The following SLFN14 variants were observed in gnomAD, a reference collection of about 807,000 sequenced individuals.
The protein encoded by SLFN14 is protein SLFN14.
Under a neutral mutation model 58.6 loss-of-function variants are expected in SLFN14, and 47 were observed. The observed-to-expected ratio is 0.80, with a 90% CI of 0.64 to 1.02. The LOEUF (loss-of-function observed/expected upper bound fraction) is 1.02. Among genes scored for constraint, SLFN14 ranks in the 50% least tolerant of loss-of-function variants. SLFN14 has a pLI of 0.00. For synonymous variants in SLFN14, 390 were observed against 387.3 expected, an observed-to-expected ratio of 1.01 and a Z score of -0.08; for missense variants, 967 against 1,078.4, an observed-to-expected ratio of 0.90 and a Z score of 1.45.
chr17:35,551,680 G>T (rs1597904288), intron 5 of SLFN14, among the ~76,000 whole-genome samples: 1 of 152,234 alleles, frequency 6.6e-6, no homozygotes, highest in South Asian at 2.1e-4. Flanking sequence ...CTCCCTAGCA[G>T]CAGTAGTCGT....
At position 35,554,755 on chromosome 17, in the gene SLFN14, A is replaced by G. The variant is rs867741599; in HGVS notation, c.1061-51T>C. ...TCAGACAAAAAATAAAAAGTTAAAA[A>G]AAAAAAAAAAAAAGCCTCTTTTTTT... On this transcript the variant is annotated intron_variant, in intron 3 of 5. Coordinates refer to ENST00000674182, the MANE Select transcript of SLFN14 (RefSeq NM_001129820.2). 2,668 of 1,083,416 alleles carry G rather than the reference A, an allele frequency of 2.5e-3. 34 individuals are homozygous for G. The African/African-American group carries it at 0.042, about 17-fold the overall frequency. The allele number at this position is 1,083,416 out of a possible 1,614,324, so 67.1% of individuals were successfully genotyped here. A position where few individuals can be genotyped will look rare whatever the true frequency, so the allele number is the denominator to read the frequency against.
At position 35,549,041 on chromosome 17, in the gene SLFN14, T is replaced by C; in HGVS notation, c.1937A>G (p.Lys646Arg). The C allele has an allele frequency of 6.4e-7, 1 of 1,551,640 alleles. No homozygotes were observed. ...TAGAAACTCCCCTTGCATGAAAGTT[T>C]TCCTGGTCACAGCTTGGCAGGTGGT... The part of the protein sequence containing the change: ...QQTTCQAVTR[K>R]TFMQGEFLKI... Residue 646 changes from lysine (K) to arginine (R), a missense_variant, in exon 6 of 6, where the codon AAA (lysine) becomes AGA (arginine). Lys to Arg is a conservative substitution (Grantham distance 26). Coordinates refer to ENST00000674182, the MANE Select transcript of SLFN14 (RefSeq NM_001129820.2).
In SLFN14 at chr17:35,553,041, C is replaced by A. The variant is rs1306974354; in HGVS notation, c.1593G>T (p.Arg531Ser). ...CCTCCTCATCAGCAAGCCTGTAGGA[C>A]CTGGGGTAACGCAGGGGGATCTCAC... is the stretch of plus-strand genomic sequence containing the variant. ...RPGEIPLRYP[R>S]SYRLADEEEM... Residue 531 changes from arginine (R) to serine (S), a missense_variant, in exon 5 of 6, where the codon AGG becomes AGT. Transcript: ENST00000674182. The A allele has an allele frequency of 3.2e-6, 5 of 1,551,608 alleles. No homozygotes were observed. In the Admixed American group the frequency reaches 9.8e-5, roughly 30 times the overall value.
Position 35,552,765 on chromosome 17 carries a change from A to G in SLFN14, c.1869T>C (p.Tyr623=). The stretch of plus-strand genomic sequence containing the variant: ...CCTTTAGGGAGTCGCTTTCACAAAC[A>G]TAGAGGATCTCTTTTGGTTTGCAGT... ...LFHCKPKEIL[Y]VCESDSLKDF... is the part of the protein sequence containing the mutation. The change falls in exon 5 of 6, where the codon TAT becomes TAC. Residue 623 remains tyrosine (Y), a synonymous_variant. Coordinates refer to ENST00000674182, the MANE Select transcript of SLFN14 (RefSeq NM_001129820.2). The G allele has an allele frequency of 6.4e-7, 1 of 1,551,008 alleles. No individual in the cohort carries two copies. Among genetic ancestry groups the G allele is most frequent in the Non-Finnish European group, 8.7e-7 (1 of 1,146,836 alleles).
chr17:35,557,877 T>G lies in SLFN14; in HGVS notation c.186A>C (p.Ala62=). The change falls in exon 3 of 6, where the codon GCA becomes GCC. Residue 62 remains alanine (A), a synonymous_variant. Transcript: ENST00000674182. ...AACTATAGGTTTTATCATCAATCTC[T>G]GCTTTGATCACACCACCTCCAGAAT... ...LLNSGGGVIK[A]EIDDKTYSYQ... 6.4e-7 allele frequency: 1 copy of G among 1,551,756 alleles called. No homozygotes were observed. Among genetic ancestry groups the G allele is most frequent in the Non-Finnish European group, 8.7e-7 (1 of 1,147,008 alleles).
Position 35,558,114 on chromosome 17 carries a change from C to G in SLFN14, c.-44-8G>C. ...AATAAAAGAAAGGAGTTCCTATAAT[C>G]AGGACAGAAATATTGTTTCTATATT... is the stretch of plus-strand genomic sequence containing the variant. On this transcript the variant is annotated splice_region_variant and splice_polypyrimidine_tract_variant and intron_variant, in intron 2 of 5. Transcript: ENST00000674182. 1 of 1,428,730 alleles carries G rather than the reference C, an allele frequency of 7.0e-7. No homozygotes were observed. The highest frequency in any genetic ancestry group is 9.4e-7 in the Non-Finnish European group (1 of 1,062,514). The allele number at this position is 1,428,730 out of a possible 1,614,324, so 88.5% of individuals were successfully genotyped here.
At chr17:35,550,340 G>A (rs2072574081) in intron 5 of SLFN14, among the ~76,000 whole-genome samples, 1 of 152,218 alleles carries the variant, frequency 6.6e-6, no homozygotes, top group African/African-American at 2.4e-5. Flanking sequence ...GAGGTCAGGA[G>A]TTCAAGACCA....
At chr17:35,553,594 C>G (rs903548345) in intron 4 of SLFN14, 150 bp from the exon 5 acceptor site, 31 of 649,568 alleles carry the variant, frequency 4.8e-5, no homozygotes, top group South Asian at 2.5e-4. Flanking sequence ...AGCAGTTTTA[C>G]TCCCCAACTC....
Position 35,554,669 on chromosome 17 carries a change from G to C in SLFN14, c.1096C>G (p.Leu366Val). The change falls in exon 4 of 6, where the codon CTG becomes GTG. Residue 366 changes from leucine (L) to valine (V), a missense_variant. Physicochemically the swap from Leu to Val is conservative, Grantham distance 32. Coordinates refer to ENST00000674182, the MANE Select transcript of SLFN14 (RefSeq NM_001129820.2). ...PSLVTDYNSCLISSASSARKS... is the reference protein window; with the variant it reads ...PSLVTDYNSCVISSASSARKS... ...CGTGCAGATGAAGCTGATGAAATCA[G>C]GCAAGAGTTGTAGTCTGTGACCAAA... 1 of 1,490,954 alleles carries C rather than the reference G, an allele frequency of 6.7e-7. No individual in the cohort carries two copies. Among genetic ancestry groups the C allele is most frequent in the South Asian group, 1.3e-5 (1 of 76,012 alleles). 92.4% of individuals were successfully genotyped at this position (1,490,954 alleles called of 1,614,324 possible).
At chr17:35,556,978 G>A in intron 3 of SLFN14, 25 bp downstream of exon 3, 8 of 1,529,458 alleles carry the variant, frequency 5.2e-6, no homozygotes, top group Non-Finnish European at 6.2e-6. Context: ...CTGCTGATGG[G>A]GACAATGACT....
rs917938229 is a variant in SLFN14, at chr17:35,552,836, T to C, written c.1798A>G (p.Thr600Ala). 6.4e-7 allele frequency: 1 copy of C among 1,551,408 alleles called. No individual in the cohort carries two copies. Among genetic ancestry groups the C allele is most frequent in the Admixed American group, 2.0e-5 (1 of 50,934 alleles). The part of the protein sequence containing the change: ...FIYCFPGVRK[T>A]ALAIKIMEKI... The stretch of plus-strand genomic sequence containing the variant: ...TCCATGATCTTTATGGCTAGGGCTG[T>C]CTTCCTGACTCCTGGAAAGCAGTAG... Residue 600 changes from threonine to alanine, a missense_variant, in exon 5 of 6, where the codon ACA becomes GCA. Transcript: ENST00000674182.
Position 35,548,967 on chromosome 17 carries a change from A to G in SLFN14, c.2011T>C (p.Tyr671His). 6.4e-7 allele frequency: 1 copy of G among 1,551,622 alleles called. No homozygotes were observed. The highest frequency in any genetic ancestry group is 8.7e-7 in the Non-Finnish European group (1 of 1,146,990). ...TTAGCCTTCATGTACCAATTGCCAT[A>G]TTTGCTGCAGAAATTCTCAGTCTCA... ...MDETENFCSK[Y>H]GNWYMKAKNI... Residue 671 changes from tyrosine to histidine, a missense_variant, in exon 6 of 6, where the codon TAT becomes CAT. Tyr to His is a moderately conservative substitution (Grantham distance 83). Transcript: ENST00000674182.
chr17:35,548,686 C>G lies in SLFN14; in HGVS notation c.2292G>C (p.Leu764Phe). ...CTTCCTCATAGGCAGTCTCGCTGAACAATGCTAATGTGTCTGGAGACATGT... is the reference window on the plus strand; with the variant it reads ...CTTCCTCATAGGCAGTCTCGCTGAAGAATGCTAATGTGTCTGGAGACATGT... ...PSNMSPDTLA[L>F]FSETAYEEAT... Residue 764 changes from leucine (L) to phenylalanine (F), a missense_variant, in exon 6 of 6, where the codon TTG becomes TTC. Transcript: ENST00000674182. 6.4e-7 allele frequency: 1 copy of G among 1,551,750 alleles called. No individual in the cohort carries two copies. Among genetic ancestry groups the G allele is most frequent in the Non-Finnish European group, 8.7e-7 (1 of 1,146,996 alleles).
chr17:35,560,020 C>A (rs2072686031), intron 1 of SLFN14, among the ~76,000 whole-genome samples: 1 of 152,302 alleles, frequency 6.6e-6, no homozygotes, highest in Middle Eastern at 3.4e-3. Flanking sequence ...ATATTGCCAA[C>A]TCCCAACAAG....
In SLFN14 at chr17:35,545,761, C is replaced by T. The variant is rs1296773554; in HGVS notation, c.*2478G>A. On this transcript the variant is annotated 3_prime_UTR_variant, in exon 6 of 6. Coordinates refer to ENST00000674182, the MANE Select transcript of SLFN14 (RefSeq NM_001129820.2). ...AAGTGATTCCCCCAGACCTCAGCCT[C>T]TCAAAGTTCTGGTATTACAGGCACC... Among the ~76,000 whole-genome samples the T allele has an allele frequency of 1.3e-5, 2 of 152,170 alleles. No individual in the cohort carries two copies. The highest frequency in any genetic ancestry group is 4.8e-5 in the African/African-American group (2 of 41,436).
rs1014841861 is a variant in SLFN14, at chr17:35,546,005, A to T, written c.*2234T>A. On this transcript the variant is annotated 3_prime_UTR_variant, in exon 6 of 6. Transcript: ENST00000674182. ...TTCACTAGACTAAGAACTGACAAAG[A>T]CTCTCAAATTCAATATTTAAAACAA... 1.3e-5 allele frequency among the ~76,000 whole-genome samples: 2 copies of T among 151,984 alleles called. No individual in the cohort carries two copies. Among genetic ancestry groups the T allele is most frequent in the Non-Finnish European group, 2.9e-5 (2 of 68,000 alleles).
At position 35,544,732 on chromosome 17, in the gene SLFN14, T is replaced by C. The variant is rs1349662805; in HGVS notation, c.*3507A>G. Among the ~76,000 whole-genome samples the C allele has an allele frequency of 5.9e-5, 9 of 152,104 alleles. No individual in the cohort carries two copies. Among genetic ancestry groups the C allele is most frequent in the Non-Finnish European group, 2.9e-5 (2 of 68,014 alleles). ...TAGTGGAGACAGGGTTTCTCCATGTTGGTCAGGCTGGTCTTGAACTCCTGA... is the reference window on the plus strand; with the variant it reads ...TAGTGGAGACAGGGTTTCTCCATGTCGGTCAGGCTGGTCTTGAACTCCTGA... On this transcript the variant is annotated 3_prime_UTR_variant, in exon 6 of 6. Transcript: ENST00000674182.
chr17:35,548,955 A>C lies in SLFN14; in HGVS notation c.2023T>G (p.Tyr675Asp). The C allele has an allele frequency of 6.4e-7, 1 of 1,551,712 alleles. No homozygotes were observed. Among genetic ancestry groups the C allele is most frequent in the South Asian group, 1.2e-5 (1 of 84,064 alleles). The change falls in exon 6 of 6, where the codon TAC becomes GAC. Residue 675 changes from tyrosine to aspartate, a missense_variant. Tyr to Asp is a radical substitution (Grantham distance 160). Transcript: ENST00000674182. ...TGGGTGATGTTCTTAGCCTTCATGT[A>C]CCAATTGCCATATTTGCTGCAGAAA... is the stretch of plus-strand genomic sequence containing the variant. ...ENFCSKYGNW[Y>D]MKAKNITHPK...
Position 35,548,203 on chromosome 17 carries a change from G to C in SLFN14, c.*36C>G. On this transcript the variant is annotated 3_prime_UTR_variant, in exon 6 of 6. Coordinates refer to ENST00000674182, the MANE Select transcript of SLFN14 (RefSeq NM_001129820.2). ...CTACCTGTCTAGGAGAAAGGACTCT[G>C]CTCTTCCTGTCTTCCTCTATTATTT... The C allele has an allele frequency of 6.5e-7, 1 of 1,530,162 alleles. No individual in the cohort carries two copies. The highest frequency in any genetic ancestry group is 1.2e-5 in the South Asian group (1 of 82,720). The allele number at this position is 1,530,162 out of a possible 1,614,324, so 94.8% of individuals were successfully genotyped here.
Sources: gnomAD v4.1 joint callset for allele counts (sites outside exome capture counted in the v4.1 genomes callset) on GRCh38, gnomAD v4.1.1 for gene constraint, MANE v1.5 for transcripts, NCBI Gene and HGNC (gene_info 2026-07-23, HGNC 2026-07-21) for gene names.